The following KCNH8 variants were observed in gnomAD, a reference collection of about 807,000 sequenced individuals.
The protein encoded by KCNH8 is potassium voltage-gated channel subfamily H member 8, also known as voltage-gated delayed rectifier potassium channel KCNH8.
In KCNH8, 70 loss-of-function variants were observed where a neutral mutation model predicts 103.6. That is an observed-to-expected ratio of 0.68 (90% CI 0.56 to 0.82). KCNH8 has a LOEUF of 0.82. Ranked by LOEUF, KCNH8 falls within the 40% of genes least tolerant of loss-of-function variation. The pLI is 0.00. For missense variants in KCNH8, 1,217 were observed against 1,329.9 expected (o/e 0.92, Z 1.32); for synonymous variants, 498 against 489.4 (o/e 1.02, Z -0.23).
At chr3:19,239,681 TCTACCTAC>T (rs1237339782) in intron 1 of KCNH8, among the ~76,000 whole-genome samples, 9 of 138,586 alleles carry the variant, frequency 6.5e-5, no homozygotes, top group Non-Finnish European at 1.3e-4. Flanking sequence ...TATCTATCTA[TCTACCTAC>T]CTACCTATCT....
intron 5 of KCNH8, among the ~76,000 whole-genome samples, chr3:19,371,652 T>C (rs2066097785): frequency 2.7e-5 from 4 of 150,832 alleles, no homozygotes; most frequent in Admixed American, 6.6e-5. Flanking sequence ...TTGTTGCCAT[T>C]GCTTTTGGTG....
At chr3:19,373,916 G>A (rs1252542958) in intron 5 of KCNH8, among the ~76,000 whole-genome samples, 1 of 152,046 alleles carries the variant, frequency 6.6e-6, no homozygotes, top group Non-Finnish European at 1.5e-5. Context: ...TAGTTGAGCG[G>A]TTTTGAGTGA....
chr3:19,383,207 G>C (rs1271467690), intron 5 of KCNH8, among the ~76,000 whole-genome samples: 2 of 152,072 alleles, frequency 1.3e-5, no homozygotes, highest in Non-Finnish European at 2.9e-5. Flanking sequence ...TTCCTCAAAT[G>C]TGAAAATGAA....
intron 11 of KCNH8, among the ~76,000 whole-genome samples, chr3:19,481,273 A>G (rs2068081671): frequency 6.6e-6 from 1 of 152,148 alleles, no homozygotes; most frequent in African/African-American, 2.4e-5. Context: ...CCTAAATAAT[A>G]TATATTATAC....
intron 1 of KCNH8, among the ~76,000 whole-genome samples, chr3:19,157,755 T>C (rs911279954): frequency 6.6e-6 from 1 of 151,986 alleles, no homozygotes; most frequent in African/African-American, 2.4e-5. Flanking sequence ...ATTTAAATGC[T>C]TTGTTGAGCA....
chr3:19,274,866 C>T (rs2064643199), intron 2 of KCNH8, among the ~76,000 whole-genome samples: 1 of 89,558 alleles, frequency 1.1e-5, no homozygotes, highest in Non-Finnish European at 2.2e-5. Flanking sequence ...CTCCCCACCC[C>T]TCCCCTCCCC....
chr3:19,153,635 C>CTTTTT (rs773828081), intron 1 of KCNH8, among the ~76,000 whole-genome samples: 1 of 128,914 alleles, frequency 7.8e-6, no homozygotes, highest in African/African-American at 2.9e-5. Flanking sequence ...TTTCTTTTTT[C>CTTTTT]TTTTTTTTTT....
intron 11 of KCNH8, among the ~76,000 whole-genome samples, chr3:19,460,069 G>C (rs1198845454): frequency 6.6e-6 from 1 of 151,950 alleles, no homozygotes; most frequent in Non-Finnish European, 1.5e-5. Context: ...GCTTATTAAA[G>C]ATTGTTCATG....
chr3:19,169,927 A>G (rs1025096034), intron 1 of KCNH8, among the ~76,000 whole-genome samples: 11 of 152,200 alleles, frequency 7.2e-5, no homozygotes, highest in Non-Finnish European at 1.5e-4. Context: ...ATTACATTCA[A>G]TACTTTGTTA....
Position 19,451,425 on chromosome 3 carries a change from T to C in KCNH8, c.1825+21T>C, listed in dbSNP as rs1455699531. 7 of 1,607,124 alleles carry C rather than the reference T, an allele frequency of 4.4e-6. No homozygotes were observed. In the East Asian group the frequency reaches 1.1e-4, roughly 26 times the overall value. On this transcript the variant is annotated intron_variant, in intron 10 of 15. Coordinates refer to ENST00000328405, the MANE Select transcript of KCNH8 (RefSeq NM_144633.3). ...TCTTGGTAGGTCTGAATTGAAAAAC[T>C]TGTATGAAATTTGACTCTGGAGCAT...
intron 5 of KCNH8, among the ~76,000 whole-genome samples, chr3:19,386,464 A>C (rs1336111274): frequency 6.6e-6 from 1 of 152,156 alleles, no homozygotes; most frequent in African/African-American, 2.4e-5. Flanking sequence ...TTATGATACC[A>C]ATACCATGTG....
At chr3:19,248,198 C>T (rs2064230576) in intron 1 of KCNH8, among the ~76,000 whole-genome samples, 1 of 152,072 alleles carries the variant, frequency 6.6e-6, no homozygotes, top group African/African-American at 2.4e-5. Context: ...CCATGGAATA[C>T]AAATTTGTTG....
intron 1 of KCNH8, among the ~76,000 whole-genome samples, chr3:19,188,228 A>G (rs2063520890): frequency 1.3e-5 from 2 of 152,120 alleles, no homozygotes; most frequent in Admixed American, 1.3e-4. Flanking sequence ...TTTAAAATGT[A>G]ACTTTTATGA....
chr3:19,309,848 A>T (rs192330433), intron 3 of KCNH8, among the ~76,000 whole-genome samples: 2,778 of 152,062 alleles, frequency 0.018, 83 homozygotes, highest in African/African-American at 0.06. Flanking sequence ...AAAATCTGTC[A>T]TCCAAATAGA....
At chr3:19,379,780 C>A (rs948742431) in intron 5 of KCNH8, among the ~76,000 whole-genome samples, 1 of 152,138 alleles carries the variant, frequency 6.6e-6, no homozygotes, top group Non-Finnish European at 1.5e-5. Flanking sequence ...GAAAACAATT[C>A]CTTGGAATAA....
chr3:19,516,108 G>A (rs1226558490), intron 14 of KCNH8, among the ~76,000 whole-genome samples: 1 of 152,016 alleles, frequency 6.6e-6, no homozygotes, highest in East Asian at 1.9e-4. Context: ...TGTTGAATAG[G>A]CAGAGACAAT....
At chr3:19,455,061 A>G (rs981387958) in intron 10 of KCNH8, among the ~76,000 whole-genome samples, 3 of 152,160 alleles carry the variant, frequency 2.0e-5, no homozygotes, top group African/African-American at 7.2e-5. Flanking sequence ...CACTCTGCCA[A>G]TGAAAAAAAG....
chr3:19,511,666 A>G (rs2068785312), intron 12 of KCNH8, among the ~76,000 whole-genome samples: 1 of 152,160 alleles, frequency 6.6e-6, no homozygotes, highest in South Asian at 2.1e-4. Context: ...CAAGAGTAAC[A>G]TCATGACTAT....
intron 3 of KCNH8, among the ~76,000 whole-genome samples, chr3:19,305,326 TG>T (rs2065116415): frequency 6.6e-6 from 1 of 152,164 alleles, no homozygotes; most frequent in African/African-American, 2.4e-5. Flanking sequence ...TTCCCTTTCA[TG>T]TACCTTGTAT....
Sources: allele counts gnomAD v4.1 joint callset (sites outside exome capture counted in the v4.1 genomes callset), GRCh38; gene constraint gnomAD v4.1.1; transcripts MANE v1.5; gene names NCBI Gene and HGNC (gene_info 2026-07-23, HGNC 2026-07-21).